Variants in SOX6 observed in about 807,000 individuals in gnomAD.
SOX6 encodes transcription factor SOX-6.
A neutral mutation model predicts 97.8 loss-of-function variants in SOX6; 11 were observed. The ratio of observed to expected loss-of-function variants is 0.11; its 90% CI spans 0.07 to 0.19. The LOEUF (loss-of-function observed/expected upper bound fraction) is 0.19. SOX6 is among the 10% of genes least tolerant of loss of function. The probability of loss-of-function intolerance (pLI) is 1.00; values close to 1 mark genes in which losing one functional copy is unlikely to be tolerated. For synonymous variants in SOX6, 360 were observed against 371.4 expected, an observed-to-expected ratio of 0.97 and a Z score of 0.35; for missense variants, 810 against 1,039.5, an observed-to-expected ratio of 0.78 and a Z score of 3.04.
At chr11:16,099,968 A>G (rs1848902380) in intron 7 of SOX6, among the ~76,000 whole-genome samples, 1 of 151,900 alleles carries the variant, frequency 6.6e-6, no homozygotes, top group Admixed American at 6.6e-5. Flanking sequence ...GCAACAGAGT[A>G]TATAACAGAG....
chr11:16,487,393 A>T (rs1423704691), intron 4 of SOX6, among the ~76,000 whole-genome samples: 1 of 152,148 alleles, frequency 6.6e-6, no homozygotes, highest in Non-Finnish European at 1.5e-5. Context: ...AGGACAACAA[A>T]GCATAATCCC....
chr11:15,994,819 C>T (rs1854174446), intron 13 of SOX6, among the ~76,000 whole-genome samples: 2 of 151,960 alleles, frequency 1.3e-5, no homozygotes, highest in Non-Finnish European at 2.9e-5. Flanking sequence ...CCCTGTCCTC[C>T]AATAGATAAT....
At chr11:16,501,785 T>C (rs1316320691) in intron 4 of SOX6, among the ~76,000 whole-genome samples, 1 of 152,212 alleles carries the variant, frequency 6.6e-6, no homozygotes, top group Non-Finnish European at 1.5e-5. Context: ...CCAGTTAGAA[T>C]GGCAATCATT....
intron 1 of SOX6, among the ~76,000 whole-genome samples, chr11:16,347,681 A>G (rs192626660): frequency 0.011 from 1,632 of 152,238 alleles, 26 homozygotes; most frequent in Non-Finnish European, 0.013. Context: ...AGGATATCTT[A>G]TCCAATTATA....
chr11:16,049,684 C>T (rs376168823), intron 11 of SOX6, 71 bp downstream of exon 11: 103 of 1,568,154 alleles, frequency 6.6e-5, no homozygotes, highest in Non-Finnish European at 8.3e-5. Flanking sequence ...AAGTATCAGT[C>T]GTAACTAAAC....
chr11:16,248,449 G>A (rs1368518262), intron 3 of SOX6, among the ~76,000 whole-genome samples: 2 of 152,138 alleles, frequency 1.3e-5, no homozygotes, highest in East Asian at 3.9e-4. Flanking sequence ...ACTTCTACCT[G>A]GACATCCTGG....
chr11:16,147,160 A>G (rs1850328534), intron 6 of SOX6, among the ~76,000 whole-genome samples: 1 of 152,226 alleles, frequency 6.6e-6, no homozygotes, highest in Non-Finnish European at 1.5e-5. Context: ...ACAGCATGGA[A>G]TACTATGCAG....
At chr11:16,624,290 C>G (rs1011467008) in intron 3 of SOX6, among the ~76,000 whole-genome samples, 1 of 151,806 alleles carries the variant, frequency 6.6e-6, no homozygotes, top group Admixed American at 6.6e-5. Flanking sequence ...CGGGTTTGAA[C>G]GATTCTCCTG....
intron 3 of SOX6, among the ~76,000 whole-genome samples, chr11:16,689,042 TATTA>T (rs922400457): frequency 1.3e-5 from 2 of 152,204 alleles, no homozygotes; most frequent in African/African-American, 4.8e-5. Flanking sequence ...CTTATGCCCT[TATTA>T]ATTATGATAT....
chr11:16,642,907 C>T (rs982998560), intron 3 of SOX6, among the ~76,000 whole-genome samples: 3 of 152,216 alleles, frequency 2.0e-5, no homozygotes, highest in Non-Finnish European at 4.4e-5. Context: ...GCCTTCTTCT[C>T]TGAACTCATC....
intron 4 of SOX6, among the ~76,000 whole-genome samples, chr11:16,507,429 T>G (rs1465445523): frequency 6.6e-6 from 1 of 152,002 alleles, no homozygotes; most frequent in Non-Finnish European, 1.5e-5. Context: ...AAAATTTTTA[T>G]GAAACTAAAA....
chr11:16,643,471 GT>G (rs1848958908), intron 3 of SOX6, among the ~76,000 whole-genome samples: 1 of 152,206 alleles, frequency 6.6e-6, no homozygotes, highest in Admixed American at 6.5e-5. Flanking sequence ...GTCTGCAGAG[GT>G]TTCTGCTGCC....
chr11:16,234,687 A>C lies in SOX6; in HGVS notation c.446-16T>G, dbSNP rs1284814206. 2 of 1,363,172 alleles carry C rather than the reference A, an allele frequency of 1.5e-6. No individual in the cohort carries two copies. The highest frequency in any genetic ancestry group is 1.3e-5 in the South Asian group (1 of 77,758). 84.4% of individuals were successfully genotyped at this position (1,363,172 alleles called of 1,614,324 possible). A position where few individuals can be genotyped will look rare whatever the true frequency, so the allele number is the denominator to read the frequency against. On this transcript the variant is annotated splice_polypyrimidine_tract_variant and intron_variant, in intron 3 of 15. Coordinates refer to ENST00000683767, the MANE Select transcript of SOX6 (RefSeq NM_001367873.1). The stretch of plus-strand genomic sequence containing the variant: ...CAGGAGGAATCTATTAAAATACAAA[A>C]GTAAGTATTAAAAATATATATTTAT...
chr11:16,107,635 T>TTACC (rs1397534737), intron 7 of SOX6, among the ~76,000 whole-genome samples: 2 of 151,038 alleles, frequency 1.3e-5, no homozygotes, highest in Non-Finnish European at 3.0e-5. Flanking sequence ...AGACTAAGGG[T>TTACC]AGAGGGATAG....
At chr11:16,036,081 T>TC (rs1391230049) in intron 12 of SOX6, among the ~76,000 whole-genome samples, 2 of 146,828 alleles carry the variant, frequency 1.4e-5, no homozygotes, top group Non-Finnish European at 3.0e-5. Context: ...TTCAACTCTT[T>TC]TTTTTTTTTT....
At chr11:16,150,559 C>G (rs1378094973) in intron 6 of SOX6, among the ~76,000 whole-genome samples, 3 of 152,124 alleles carry the variant, frequency 2.0e-5, no homozygotes, top group Non-Finnish European at 4.4e-5. Context: ...GAATATTGAG[C>G]AAGGAGTCTA....
chr11:15,986,464 C>T (rs11023816), intron 14 of SOX6, 44 bp from the exon 15 acceptor site: 18,784 of 1,589,470 alleles, frequency 0.012, 140 homozygotes, highest in Non-Finnish European at 0.013. Flanking sequence ...GTCAAGGCAA[C>T]ATATTCTAGG....
At chr11:16,401,068 C>A (rs1858544881) in intron 1 of SOX6, among the ~76,000 whole-genome samples, 1 of 151,462 alleles carries the variant, frequency 6.6e-6, no homozygotes, top group African/African-American at 2.4e-5. Context: ...CAATTATATA[C>A]CAATTTTTAT....
intron 3 of SOX6, among the ~76,000 whole-genome samples, chr11:16,261,435 C>T (rs946388246): frequency 9.2e-5 from 14 of 151,892 alleles, no homozygotes; most frequent in African/African-American, 3.4e-4. Context: ...TTTAATGTAA[C>T]AAAAGGTTGG....
Sources: allele counts gnomAD v4.1 joint callset (sites outside exome capture counted in the v4.1 genomes callset), GRCh38; gene constraint gnomAD v4.1.1; transcripts MANE v1.5; gene names NCBI Gene and HGNC (gene_info 2026-07-23, HGNC 2026-07-21).